The following LRP1B variants were observed in gnomAD, a reference collection of about 807,000 sequenced individuals.
The protein encoded by LRP1B is low-density lipoprotein receptor-related protein 1B.
In LRP1B, 217 loss-of-function variants were observed where a neutral mutation model predicts 556.6. The observed-to-expected ratio is 0.39, with a 90% CI of 0.35 to 0.44. The LOEUF (loss-of-function observed/expected upper bound fraction) is 0.44, where lower values mean the gene tolerates loss of function less well. Ranked by LOEUF, LRP1B falls within the 20% of genes least tolerant of loss-of-function variation. The pLI is 1.00. For synonymous variants in LRP1B, 2,047 were observed against 1,865.8 expected, an observed-to-expected ratio of 1.10 and a Z score of -2.50; for missense variants, 5,053 against 5,620.8, an observed-to-expected ratio of 0.90 and a Z score of 3.23.
At chr2:141,776,117 A>C (rs1006318375) in intron 2 of LRP1B, among the ~76,000 whole-genome samples, 15 of 152,082 alleles carry the variant, frequency 9.9e-5, no homozygotes, top group Admixed American at 9.2e-4. Flanking sequence ...AAGTGCTGGG[A>C]TTACAGGCAT....
At chr2:141,123,456 A>C (rs577424025) in intron 7 of LRP1B, among the ~76,000 whole-genome samples, 1 of 152,110 alleles carries the variant, frequency 6.6e-6, no homozygotes, top group South Asian at 2.1e-4. Context: ...GTATCTGGTT[A>C]ATTTTAGTTA....
At chr2:141,823,524 T>C (rs1189542883) in intron 1 of LRP1B, among the ~76,000 whole-genome samples, 1 of 152,170 alleles carries the variant, frequency 6.6e-6, no homozygotes, top group Non-Finnish European at 1.5e-5. Context: ...TTCTTTAGCA[T>C]TTTAATAAAA....
At chr2:140,514,505 C>G (rs536714363) in intron 51 of LRP1B, 148 bp downstream of exon 51, 42 of 571,192 alleles carry the variant, frequency 7.4e-5, no homozygotes, top group Non-Finnish European at 1.1e-4. Context: ...AATGGATTGT[C>G]ATGAAAATAA....
chr2:140,774,987 A>C (rs552404222), intron 33 of LRP1B, among the ~76,000 whole-genome samples: 18 of 152,190 alleles, frequency 1.2e-4, no homozygotes, highest in Non-Finnish European at 2.5e-4. Flanking sequence ...TGAATCTATG[A>C]ACATTCATAA....
At chr2:141,309,262 T>A (rs1234495368) in intron 3 of LRP1B, among the ~76,000 whole-genome samples, 1 of 152,248 alleles carries the variant, frequency 6.6e-6, no homozygotes, top group Non-Finnish European at 1.5e-5. Context: ...TAGTTGGAAA[T>A]AAAGACATCA....
At chr2:140,236,034 G>A (rs956498821) in intron 89 of LRP1B, among the ~76,000 whole-genome samples, 3 of 150,882 alleles carry the variant, frequency 2.0e-5, no homozygotes, top group African/African-American at 7.3e-5. Flanking sequence ...TCAAATGTAA[G>A]GTTACCAAGA....
chr2:140,946,369 GTGGA>G (rs1695547933), intron 20 of LRP1B, among the ~76,000 whole-genome samples: 1 of 152,116 alleles, frequency 6.6e-6, no homozygotes, highest in Non-Finnish European at 1.5e-5. Context: ...AGAGGCTGAG[GTGGA>G]TGGATCACCT....
At chr2:141,652,203 T>A (rs1689819306) in intron 2 of LRP1B, among the ~76,000 whole-genome samples, 1 of 152,220 alleles carries the variant, frequency 6.6e-6, no homozygotes. Context: ...AATTTTCTTT[T>A]ACGCTTTCTC....
chr2:141,408,424 G>A (rs796326396), intron 3 of LRP1B, among the ~76,000 whole-genome samples: 208 of 152,104 alleles, frequency 1.4e-3, no homozygotes, highest in African/African-American at 4.8e-3. Flanking sequence ...GATTACAGGC[G>A]TGAGCCACCA....
intron 27 of LRP1B, among the ~76,000 whole-genome samples, chr2:140,857,953 C>T (rs944533900): frequency 2.0e-5 from 3 of 151,690 alleles, no homozygotes; most frequent in African/African-American, 4.8e-5. Context: ...GAAAAAAAAA[C>T]ATATCAGGGA....
At chr2:141,450,768 A>G (rs1681390743) in intron 3 of LRP1B, among the ~76,000 whole-genome samples, 2 of 152,214 alleles carry the variant, frequency 1.3e-5, no homozygotes, top group South Asian at 4.1e-4. Context: ...AAGTGGGTCT[A>G]CTTGGTAAAA....
In LRP1B at chr2:141,184,180, AC is replaced by A. The variant is rs553113681; in HGVS notation, c.1013+4240del. ...TAACTACAATAGAATTTTATTCTTT[AC>A]TCTTGTCTTTTGAAAGACCTTGAAA... is the stretch of plus-strand genomic sequence containing the variant. On this transcript the variant is annotated intron_variant, in intron 7 of 90. Transcript: ENST00000389484. 3.9e-3 allele frequency among the ~76,000 whole-genome samples: 590 copies of A among 152,168 alleles called. 6 individuals are homozygous for A. Among genetic ancestry groups the A allele is most frequent in the African/African-American group, 0.013 (554 of 41,534 alleles).
At chr2:140,480,855 ATCATC>A (rs1688207354) in intron 59 of LRP1B, among the ~76,000 whole-genome samples, 1 of 152,158 alleles carries the variant, frequency 6.6e-6, no homozygotes, top group African/African-American at 2.4e-5. Flanking sequence ...AAAAACTTTT[ATCATC>A]TGTACTAATT....
rs375159460 is a variant in LRP1B, at chr2:140,849,239, G to A, written c.4939+863C>T. 9.7e-4 allele frequency among the ~76,000 whole-genome samples: 144 copies of A among 148,648 alleles called. 1 individual carries two copies. Among genetic ancestry groups the A allele is most frequent in the African/African-American group, 3.5e-3 (142 of 40,590 alleles). On this transcript the variant is annotated intron_variant, in intron 29 of 90. Coordinates refer to ENST00000389484, the MANE Select transcript of LRP1B (RefSeq NM_018557.3). ...AAAAAAAAAAATAGCCAGGTGTGGT[G>A]GTGGGTGCCTGTAATCCCAGCTACT...
At chr2:140,716,325 A>C (rs562104584) in intron 36 of LRP1B, among the ~76,000 whole-genome samples, 1 of 152,096 alleles carries the variant, frequency 6.6e-6, no homozygotes, top group East Asian at 1.9e-4. Context: ...ATATAATGAT[A>C]TATTTACATG....
At chr2:141,691,348 C>A (rs902313484) in intron 2 of LRP1B, among the ~76,000 whole-genome samples, 1 of 151,456 alleles carries the variant, frequency 6.6e-6, no homozygotes, top group Non-Finnish European at 1.5e-5. Context: ...CTGATTTAGA[C>A]CCAGAATTTA....
chr2:140,269,429 T>C (rs1682358631), intron 86 of LRP1B: 1 of 460,796 alleles, frequency 2.2e-6, no homozygotes. Context: ...CTGACTTGTT[T>C]TGCCAAATAT....
At chr2:141,771,592 CT>C (rs541006853) in intron 2 of LRP1B, among the ~76,000 whole-genome samples, 2 of 152,088 alleles carry the variant, frequency 1.3e-5, no homozygotes, top group South Asian at 4.2e-4. Flanking sequence ...ATTCTAGGAC[CT>C]TTTTTTAAGA....
chr2:141,399,501 C>A (rs1690368386), intron 3 of LRP1B, among the ~76,000 whole-genome samples: 1 of 152,166 alleles, frequency 6.6e-6, no homozygotes, highest in South Asian at 2.1e-4. Flanking sequence ...CATCCCCAAA[C>A]TGCAGATCTT....
Sources: gnomAD v4.1 joint callset for allele counts (sites outside exome capture counted in the v4.1 genomes callset) on GRCh38, gnomAD v4.1.1 for gene constraint, MANE v1.5 for transcripts, NCBI Gene and HGNC (gene_info 2026-07-23, HGNC 2026-07-21) for gene names.